Variants in VPS26B observed in about 807,000 individuals in gnomAD.
VPS26B encodes the protein VPS26 retromer complex component B.
Under a neutral mutation model 33.3 loss-of-function variants are expected in VPS26B, and 10 were observed. The observed-to-expected ratio is 0.30, with a 90% CI of 0.19 to 0.51. The LOEUF is 0.51. Ranked by LOEUF, VPS26B falls within the 20% of genes least tolerant of loss-of-function variation. The pLI is 0.98. For missense variants in VPS26B, 317 were observed against 452.7 expected (o/e 0.70, Z 2.72); for synonymous variants, 190 against 176.9 (o/e 1.07, Z -0.59).
intron 2 of VPS26B, chr11:134,236,781 A>G (rs573929): frequency 0.75 from 113,415 of 152,166 alleles, 42,317 homozygotes; most frequent in Admixed American, 0.8. Context: ...GAGACAGAAA[A>G]TAGAATGGTA....
rs758058105 is a variant in VPS26B at position 134,245,522 on chromosome 11, G to T, written c.943G>T (p.Glu315Ter). 5.6e-6 allele frequency: 9 copies of T among 1,613,980 alleles called. No homozygotes were observed. The highest frequency in any genetic ancestry group is 6.8e-6 in the Non-Finnish European group (8 of 1,179,998). Residue 315 changes from glutamate to a stop codon, truncating the protein, a stop_gained, in exon 6 of 6, where the codon GAG becomes TAG. Coordinates refer to ENST00000281187, the MANE Select transcript of VPS26B (RefSeq NM_052875.5). LOFTEE classifies it high-confidence loss of function. This position sits in a 1 kb window ranked among gnomAD's most constrained non-coding sequence, Gnocchi z 4.7. ...HQAAIASQRF[E>*]GTTSLGEVRT... ...GGCGGCCATCGCCTCACAGCGCTTTGAGGGCACCACCTCCCTGGGTGAGGT... is the reference window on the plus strand; with the variant it reads ...GGCGGCCATCGCCTCACAGCGCTTTTAGGGCACCACCTCCCTGGGTGAGGT...
rs369423434 is a variant in VPS26B, at chr11:134,246,722, C to G, written c.*1132C>G. 2 of 152,314 alleles carry G rather than the reference C, an allele frequency of 1.3e-5. No homozygotes were observed. The highest frequency in any genetic ancestry group is 4.8e-5 in the African/African-American group (2 of 41,330). The allele number at this position is 152,314 out of a possible 1,614,324, so 9.4% of individuals were successfully genotyped here. ...CAGTTGACTGACCCAAGTTTAGGACCATTGGTATCGTGTGTTTAAAAAACA... is the reference window on the plus strand; with the variant it reads ...CAGTTGACTGACCCAAGTTTAGGACGATTGGTATCGTGTGTTTAAAAAACA... On this transcript the variant is annotated 3_prime_UTR_variant, in exon 6 of 6. Transcript: ENST00000281187.
At chr11:134,225,649 C>T (rs1938442976) in intron 1 of VPS26B, among the ~76,000 whole-genome samples, 1 of 152,234 alleles carries the variant, frequency 6.6e-6, no homozygotes, top group Non-Finnish European at 1.5e-5. Flanking sequence ...GGCATGCACT[C>T]GGCTTTGCTT....
In VPS26B at chr11:134,246,492, G is replaced by A. The variant is rs1938824862; in HGVS notation, c.*902G>A. On this transcript the variant is annotated 3_prime_UTR_variant, in exon 6 of 6. Coordinates refer to ENST00000281187, the MANE Select transcript of VPS26B (RefSeq NM_052875.5). Reference sequence around the variant, plus strand: ...GGGGCCTTGATCCCTCCGCCTTGCTGAGAGTGAACCCTCGTCTCTCCTCAC... The same window carrying A: ...GGGGCCTTGATCCCTCCGCCTTGCTAAGAGTGAACCCTCGTCTCTCCTCAC... 6.6e-6 allele frequency: 1 copy of A among 152,278 alleles called. No homozygotes were observed. The highest frequency in any genetic ancestry group is 2.4e-5 in the African/African-American group (1 of 41,446). 9.4% of individuals were successfully genotyped at this position (152,278 alleles called of 1,614,324 possible).
chr11:134,239,880 G>A (rs998610497), intron 2 of VPS26B, 111 bp from the exon 3 acceptor site: 2 of 1,205,112 alleles, frequency 1.7e-6, no homozygotes, highest in African/African-American at 3.0e-5. Context: ...AAGCCCTCAA[G>A]GGTTAAGAAC....
At position 134,240,282 on chromosome 11, in the gene VPS26B, C is replaced by A. The variant is rs892917070; in HGVS notation, c.545+127C>A. 8.4e-6 allele frequency: 9 copies of A among 1,070,002 alleles called. No homozygotes were observed. Among genetic ancestry groups the A allele is most frequent in the Non-Finnish European group, 1.2e-5 (9 of 724,280 alleles). 66.3% of individuals were successfully genotyped at this position (1,070,002 alleles called of 1,614,324 possible). On this transcript the variant is annotated intron_variant, in intron 3 of 5. Coordinates refer to ENST00000281187, the MANE Select transcript of VPS26B (RefSeq NM_052875.5). This position sits in a 1 kb window ranked among gnomAD's most constrained non-coding sequence, Gnocchi z 4.4. ...TGTGGTGGCATGCGGTGGGGGAAGA[C>A]CGTGGGAGCAATCCAGTGAGTGTCT...
chr11:134,236,421 A>G (rs1938633255), intron 2 of VPS26B: 1 of 152,210 alleles, frequency 6.6e-6, no homozygotes, highest in Admixed American at 6.5e-5. Flanking sequence ...ATTAAACAGA[A>G]TTACCATATG....
At position 134,225,165 on chromosome 11, in the gene VPS26B, C is replaced by T; in HGVS notation, c.43C>T (p.Leu15Phe). Reference protein sequence around the residue: ...GFGQSVEVEILLNDAESRKRA... With the variant: ...GFGQSVEVEIFLNDAESRKRA... ...CGGGCAGAGCGTGGAGGTGGAAATCCTTCTGAACGATGCAGAGAGTAGGAA... is the reference window on the plus strand; with the variant it reads ...CGGGCAGAGCGTGGAGGTGGAAATCTTTCTGAACGATGCAGAGAGTAGGAA... Residue 15 changes from leucine (L) to phenylalanine (F), a missense_variant, in exon 1 of 6, where the codon CTT (leucine) becomes TTT (phenylalanine). Coordinates refer to ENST00000281187, the MANE Select transcript of VPS26B (RefSeq NM_052875.5). The T allele has an allele frequency of 3.7e-6, 6 of 1,613,928 alleles. No homozygotes were observed. Among genetic ancestry groups the T allele is most frequent in the Non-Finnish European group, 5.1e-6 (6 of 1,179,864 alleles).
rs1938700623 is a variant in VPS26B at position 134,240,482 on chromosome 11, T to G, written c.545+327T>G. Among the ~76,000 whole-genome samples, 1 of 152,266 alleles carries G rather than the reference T, an allele frequency of 6.6e-6. No homozygotes were observed. The highest frequency in any genetic ancestry group is 2.1e-4 in the South Asian group (1 of 4,836). On this transcript the variant is annotated intron_variant, in intron 3 of 5. Coordinates refer to ENST00000281187, the MANE Select transcript of VPS26B (RefSeq NM_052875.5). This position sits in a 1 kb window ranked among gnomAD's most constrained non-coding sequence, Gnocchi z 4.4. ...AATTCCAGCTTCAGCTGTTTCCCGC[T>G]ACTGCTAAGAACAATCTCAGAATAC...
rs1938820184 is a variant in VPS26B at position 134,246,337 on chromosome 11, T to C, written c.*747T>C. 1 of 152,438 alleles carries C rather than the reference T, an allele frequency of 6.6e-6. No individual in the cohort carries two copies. 9.4% of individuals were successfully genotyped at this position (152,438 alleles called of 1,614,324 possible). The stretch of plus-strand genomic sequence containing the variant: ...CGGCCCACCACGGAAGATGAGTGCA[T>C]GGCAACCGCCTGCCTTCACGTCGCT... On this transcript the variant is annotated 3_prime_UTR_variant, in exon 6 of 6. Coordinates refer to ENST00000281187, the MANE Select transcript of VPS26B (RefSeq NM_052875.5).
chr11:134,240,279 A>G lies in VPS26B; in HGVS notation c.545+124A>G. ...CTTTGTGGTGGCATGCGGTGGGGGA[A>G]GACCGTGGGAGCAATCCAGTGAGTG... On this transcript the variant is annotated intron_variant, in intron 3 of 5. Coordinates refer to ENST00000281187, the MANE Select transcript of VPS26B (RefSeq NM_052875.5). The surrounding 1 kb of genome is among the most constrained non-coding windows in gnomAD (Gnocchi z 4.4). 5 of 1,087,802 alleles carry G rather than the reference A, an allele frequency of 4.6e-6. No individual in the cohort carries two copies. Among genetic ancestry groups the G allele is most frequent in the Non-Finnish European group, 6.8e-6 (5 of 739,236 alleles). 67.4% of individuals were successfully genotyped at this position (1,087,802 alleles called of 1,614,324 possible).
At chr11:134,230,570 C>A (rs75404899) in intron 1 of VPS26B, among the ~76,000 whole-genome samples, 5,862 of 152,274 alleles carry the variant, frequency 0.038, 389 homozygotes, top group African/African-American at 0.13. Flanking sequence ...GGGGCTGCGT[C>A]CTCACTGGGG....
chr11:134,239,805 C>T (rs1014307369), intron 2 of VPS26B, 186 bp from the exon 3 acceptor site: 3 of 637,022 alleles, frequency 4.7e-6, no homozygotes, highest in South Asian at 3.8e-5. Context: ...TTGAAAAGGT[C>T]TCTGTATAGG....
chr11:134,240,842 T>C lies in VPS26B; in HGVS notation c.545+687T>C, dbSNP rs904999958. Among the ~76,000 whole-genome samples, 12 of 144,916 alleles carry C rather than the reference T, an allele frequency of 8.3e-5. No individual in the cohort carries two copies. Among genetic ancestry groups the C allele is most frequent in the Admixed American group, 3.5e-4 (5 of 14,388 alleles). ...GTGTGTGTGTGTAGCCAAGGTTTCATAATGTTGCCCAGGCTGGTCTTGAAC... is the reference window on the plus strand; with the variant it reads ...GTGTGTGTGTGTAGCCAAGGTTTCACAATGTTGCCCAGGCTGGTCTTGAAC... On this transcript the variant is annotated intron_variant, in intron 3 of 5. Transcript: ENST00000281187. The surrounding 1 kb of genome is among the most constrained non-coding windows in gnomAD (Gnocchi z 4.4).
chr11:134,226,655 A>G (rs1938479382), intron 1 of VPS26B, among the ~76,000 whole-genome samples: 1 of 152,206 alleles, frequency 6.6e-6, no homozygotes, highest in Non-Finnish European at 1.5e-5. Flanking sequence ...GATACCACAC[A>G]CTGCATACAT....
chr11:134,235,129 C>T (rs1331803002), intron 2 of VPS26B, 76 bp downstream of exon 2: 5 of 1,518,194 alleles, frequency 3.3e-6, no homozygotes, highest in Non-Finnish European at 3.6e-6. Flanking sequence ...GCCGTCCCCA[C>T]TTTGAGAATC....
At chr11:134,235,672 T>A (rs1369439506) in intron 2 of VPS26B, 1 of 152,256 alleles carries the variant, frequency 6.6e-6, no homozygotes, top group East Asian at 1.9e-4. Context: ...ATTCTAATTC[T>A]AGATGTCCTC....
intron 2 of VPS26B, among the ~76,000 whole-genome samples, chr11:134,238,611 T>G (rs1938670249): frequency 6.6e-6 from 1 of 152,218 alleles, no homozygotes; most frequent in Non-Finnish European, 1.5e-5. Flanking sequence ...TGATTTTATT[T>G]TTTAGACGGA....
rs1021445840 is a variant in VPS26B, at chr11:134,245,299, G to T, written c.865-145G>T. 1 of 1,336,948 alleles carries T rather than the reference G, an allele frequency of 7.5e-7. No individual in the cohort carries two copies. The allele number at this position is 1,336,948 out of a possible 1,614,324, so 82.8% of individuals were successfully genotyped here. A position where few individuals can be genotyped will look rare whatever the true frequency, so the allele number is the denominator to read the frequency against. On this transcript the variant is annotated intron_variant, in intron 5 of 5. Transcript: ENST00000281187. The surrounding 1 kb of genome is among the most constrained non-coding windows in gnomAD (Gnocchi z 4.7). ...TTTTGGCCCACACCAGGGACAGGGA[G>T]GTGCTGGCAGCTGCTGCCTTTGGTG...
Sources: gnomAD v4.1 joint callset for allele counts (sites outside exome capture counted in the v4.1 genomes callset) on GRCh38, gnomAD v4.1.1 for gene constraint, Gnocchi (gnomAD v3.1) non-coding constraint, MANE v1.5 for transcripts, NCBI Gene and HGNC (gene_info 2026-07-23, HGNC 2026-07-21) for gene names.